The following AGAP1 variants were observed in gnomAD, a reference collection of about 807,000 sequenced individuals.
The protein encoded by AGAP1 is arf-GAP with GTPase, ANK repeat and PH domain-containing protein 1.
A neutral mutation model predicts 105.3 loss-of-function variants in AGAP1; 29 were observed. That is an observed-to-expected ratio of 0.28 (90% CI 0.21 to 0.38). The LOEUF (loss-of-function observed/expected upper bound fraction) is 0.38. AGAP1 is among the 10% of genes least tolerant of loss of function. The probability of loss-of-function intolerance (pLI) is 1.00; values close to 1 mark genes in which losing one functional copy is unlikely to be tolerated. For synonymous variants in AGAP1, 509 were observed against 485.9 expected, an observed-to-expected ratio of 1.05 and a Z score of -0.63; for missense variants, 998 against 1,165.1, an observed-to-expected ratio of 0.86 and a Z score of 2.09.
Position 235,556,782 on chromosome 2 carries a change from C to CT in AGAP1, c.163+61935dup, listed in dbSNP as rs1943988483. On this transcript the variant is annotated intron_variant, in intron 1 of 17. Transcript: ENST00000304032. This position sits in a 1 kb window ranked among gnomAD's most constrained non-coding sequence, Gnocchi z 5.3. ...AAGATCGTGAATCTGAAAGTCGTTG[C>CT]TTATTGTATATTTGAGAAGTGGCAC... Among the ~76,000 whole-genome samples the CT allele has an allele frequency of 6.6e-6, 1 of 152,146 alleles. No homozygotes were observed. The highest frequency in any genetic ancestry group is 1.5e-5 in the Non-Finnish European group (1 of 68,034).
At chr2:236,010,686 G>A (rs965138267) in intron 13 of AGAP1, among the ~76,000 whole-genome samples, 12 of 152,212 alleles carry the variant, frequency 7.9e-5, no homozygotes, top group African/African-American at 2.9e-4. Flanking sequence ...ACTGCCTCAT[G>A]AATTCAGTTT....
At chr2:235,771,997 A>ACTTTTTTTTTTTTTTTTTTTTTTTT (rs377170250) in intron 6 of AGAP1, among the ~76,000 whole-genome samples, 1 of 131,666 alleles carries the variant, frequency 7.6e-6, no homozygotes. Flanking sequence ...TTCTTTTCTT[A>ACTTTTTTTTTTTTTTTTTTTTTTTT]TCTTTTTTTT....
At position 235,883,634 on chromosome 2, in the gene AGAP1, C is replaced by G. The variant is rs902343236; in HGVS notation, c.1155+185C>G. ...ACTCCACTAGACCATATGTCTTTCT[C>G]TCTCTTCCCCTCCCTACCAGTCAAT... On this transcript the variant is annotated intron_variant, in intron 10 of 17. Transcript: ENST00000304032. The surrounding 1 kb of genome is among the most constrained non-coding windows in gnomAD (Gnocchi z 4.5). 2.6e-5 allele frequency among the ~76,000 whole-genome samples: 4 copies of G among 152,158 alleles called. No individual in the cohort carries two copies. The highest frequency in any genetic ancestry group is 4.4e-5 in the Non-Finnish European group (3 of 68,042).
intron 6 of AGAP1, among the ~76,000 whole-genome samples, chr2:235,756,992 C>T (rs1008369898): frequency 5.3e-5 from 8 of 152,042 alleles, no homozygotes; most frequent in Admixed American, 1.3e-4. Flanking sequence ...TCTGAACCTT[C>T]TAGTCACTTG....
Position 235,994,322 on chromosome 2 carries a change from AG to A in AGAP1, c.1645+25703del, listed in dbSNP as rs1256792451. 2.6e-5 allele frequency among the ~76,000 whole-genome samples: 4 copies of A among 152,292 alleles called. No homozygotes were observed. The East Asian group carries it at 7.7e-4, about 29-fold the overall frequency. ...GCCCTCCTGAAAGCTGGTTCCATTT[AG>A]GGGTGTTCCCTGTCATTTTCGTGCT... is the stretch of plus-strand genomic sequence containing the variant. On this transcript the variant is annotated intron_variant, in intron 13 of 17. Coordinates refer to ENST00000304032, the MANE Select transcript of AGAP1 (RefSeq NM_001037131.3). The surrounding 1 kb of genome is among the most constrained non-coding windows in gnomAD (Gnocchi z 4.4).
intron 9 of AGAP1, among the ~76,000 whole-genome samples, chr2:235,869,160 G>C (rs986155081): frequency 6.6e-6 from 1 of 152,094 alleles, no homozygotes; most frequent in Non-Finnish European, 1.5e-5. Flanking sequence ...TTTGCAGGGA[G>C]GCAGCATAGC....
At chr2:236,025,389 G>A (rs945025227) in intron 13 of AGAP1, among the ~76,000 whole-genome samples, 4 of 152,046 alleles carry the variant, frequency 2.6e-5, no homozygotes, top group Non-Finnish European at 5.9e-5. Context: ...TGTCATCACC[G>A]TGTCACTTCG....
chr2:235,907,899 T>C (rs935374616), intron 10 of AGAP1, among the ~76,000 whole-genome samples: 4 of 152,158 alleles, frequency 2.6e-5, no homozygotes, highest in African/African-American at 9.7e-5. Context: ...TCAAGTAATA[T>C]GTGTCCAGAA....
Position 235,927,489 on chromosome 2 carries a change from T to C in AGAP1, c.1325-3276T>C, listed in dbSNP as rs2052511287. Among the ~76,000 whole-genome samples, 1 of 152,208 alleles carries C rather than the reference T, an allele frequency of 6.6e-6. No homozygotes were observed. Among genetic ancestry groups the C allele is most frequent in the Non-Finnish European group, 1.5e-5 (1 of 68,030 alleles). ...TCCTGTTGTTTCCTAGTGTGTAGGC[T>C]TGAAGGAATCTCTCCCTTCCTTTTT... On this transcript the variant is annotated intron_variant, in intron 11 of 17. Transcript: ENST00000304032. This position sits in a 1 kb window ranked among gnomAD's most constrained non-coding sequence, Gnocchi z 4.4.
At chr2:235,771,366 C>T (rs1252724252) in intron 6 of AGAP1, among the ~76,000 whole-genome samples, 2 of 152,190 alleles carry the variant, frequency 1.3e-5, no homozygotes, top group African/African-American at 4.8e-5. Flanking sequence ...AGCCTTGGGG[C>T]CACTCTGGGG....
intron 12 of AGAP1, among the ~76,000 whole-genome samples, chr2:235,937,920 CT>C (rs996599302): frequency 4.6e-5 from 7 of 152,254 alleles, no homozygotes. Flanking sequence ...GAAAGTTTCG[CT>C]TCCTTGGCCC....
In AGAP1 at chr2:235,733,662, T is replaced by A. The variant is rs1952075996; in HGVS notation, c.311-7301T>A. Among the ~76,000 whole-genome samples, 1 of 152,180 alleles carries A rather than the reference T, an allele frequency of 6.6e-6. No homozygotes were observed. The highest frequency in any genetic ancestry group is 1.5e-5 in the Non-Finnish European group (1 of 68,044). ...GTACCTTACTTAGATCTCGGTTAAA[T>A]GAAACCATGAGAGACCGTGGCCTGC... On this transcript the variant is annotated intron_variant, in intron 3 of 17. Transcript: ENST00000304032. This position sits in a 1 kb window ranked among gnomAD's most constrained non-coding sequence, Gnocchi z 5.0.
At chr2:235,630,295 C>G (rs113475858) in intron 1 of AGAP1, among the ~76,000 whole-genome samples, 3 of 152,224 alleles carry the variant, frequency 2.0e-5, no homozygotes, top group African/African-American at 7.2e-5. Context: ...CTCACTGCAA[C>G]CTCTGCTTCC....
chr2:235,690,333 C>G lies in AGAP1; in HGVS notation c.164-18846C>G, dbSNP rs1949679920. 4.2e-5 allele frequency among the ~76,000 whole-genome samples: 1 copy of G among 23,674 alleles called. No homozygotes were observed. Among genetic ancestry groups the G allele is most frequent in the Non-Finnish European group, 7.4e-5 (1 of 13,470 alleles). 15.5% of individuals were successfully genotyped at this position (23,674 alleles called of 152,430 possible). On this transcript the variant is annotated intron_variant, in intron 1 of 17. Coordinates refer to ENST00000304032, the MANE Select transcript of AGAP1 (RefSeq NM_001037131.3). The surrounding 1 kb of genome is among the most constrained non-coding windows in gnomAD (Gnocchi z 4.1). Reference sequence around the variant, plus strand: ...CAGCAGGTGGGGTGGACTCCTGGGGCTGGGGAGGCCGTGCCCTGGGGGCAG... The same window carrying G: ...CAGCAGGTGGGGTGGACTCCTGGGGGTGGGGAGGCCGTGCCCTGGGGGCAG...
At chr2:236,122,376 G>C (rs892775896) in intron 17 of AGAP1, among the ~76,000 whole-genome samples, 10 of 152,070 alleles carry the variant, frequency 6.6e-5, no homozygotes, top group African/African-American at 9.7e-5. Flanking sequence ...TTAAACATGT[G>C]AATTGTTGGT....
At chr2:235,565,611 C>G (rs563927869) in intron 1 of AGAP1, among the ~76,000 whole-genome samples, 19 of 152,134 alleles carry the variant, frequency 1.2e-4, no homozygotes, top group Non-Finnish European at 2.4e-4. Flanking sequence ...CTTAAAAGAC[C>G]TGCTATAAAG....
intron 1 of AGAP1, among the ~76,000 whole-genome samples, chr2:235,512,742 C>T (rs1420930213): frequency 6.6e-6 from 1 of 152,236 alleles, no homozygotes; most frequent in African/African-American, 2.4e-5. Context: ...GGGCCTCCCA[C>T]CCTGCCTGCC....
chr2:235,822,078 A>G (rs1958819874), intron 9 of AGAP1, among the ~76,000 whole-genome samples: 2 of 152,212 alleles, frequency 1.3e-5, no homozygotes, highest in South Asian at 2.1e-4. Context: ...GGCGAGACCT[A>G]TTGGATTTCT....
At chr2:235,649,863 TGCAAGCATG>T (rs1226395083) in intron 1 of AGAP1, among the ~76,000 whole-genome samples, 1 of 152,246 alleles carries the variant, frequency 6.6e-6, no homozygotes, top group African/African-American at 2.4e-5. Flanking sequence ...AGCTCCTCCA[TGCAAGCATG>T]GGCTGGCTTC....
Sources: gnomAD v4.1 joint callset for allele counts (sites outside exome capture counted in the v4.1 genomes callset) on GRCh38, gnomAD v4.1.1 for gene constraint, Gnocchi (gnomAD v3.1) non-coding constraint, MANE v1.5 for transcripts, NCBI Gene and HGNC (gene_info 2026-07-23, HGNC 2026-07-21) for gene names.